Variants in CDCA2 observed in about 807,000 individuals in gnomAD.
The protein encoded by CDCA2 is cell division cycle associated 2, also known as cell division cycle-associated protein 2.
A neutral mutation model predicts 67.0 loss-of-function variants in CDCA2; 44 were observed. The observed-to-expected ratio is 0.66, with a 90% confidence interval of 0.52 to 0.84. The LOEUF is 0.84. Ranked by LOEUF, CDCA2 falls within the 40% of genes least tolerant of loss-of-function variation. The pLI, the probability that CDCA2 is intolerant of heterozygous loss-of-function variation, is 0.00. For missense variants in CDCA2, 1,253 were observed against 1,203.2 expected (o/e 1.04, Z -0.61); for synonymous variants, 447 against 418.7 (o/e 1.07, Z -0.82).
At chr8:25,470,714 A>G (rs965846232) in intron 7 of CDCA2, among the ~76,000 whole-genome samples, 8 of 151,856 alleles carry the variant, frequency 5.3e-5, no homozygotes, top group Admixed American at 3.3e-4. Context: ...CTTCATTATA[A>G]GCCTCACAAG....
rs1367720789 is a variant in CDCA2, at chr8:25,503,490, C to T, written c.1789C>T (p.Pro597Ser). Reference sequence around the variant, plus strand: ...CCTCCTCAGTCCTATTCCCGAGCTGCCTGAAGTCCCTGAGATGACACCTTC... The same window carrying T: ...CCTCCTCAGTCCTATTCCCGAGCTGTCTGAAGTCCCTGAGATGACACCTTC... Reference protein sequence around the residue: ...KPLLSPIPELPEVPEMTPSIP... With the variant: ...KPLLSPIPELSEVPEMTPSIP... Residue 597 changes from proline (P) to serine (S), a missense_variant, in exon 14 of 15, where the codon CCT becomes TCT. Transcript: ENST00000330560. 8 of 1,613,830 alleles carry T rather than the reference C, an allele frequency of 5.0e-6. No individual in the cohort carries two copies. The highest frequency in any genetic ancestry group is 5.9e-6 in the Non-Finnish European group (7 of 1,179,960).
intron 13 of CDCA2, among the ~76,000 whole-genome samples, chr8:25,489,693 A>T (rs1803927368): frequency 6.6e-6 from 1 of 152,160 alleles, no homozygotes; most frequent in Non-Finnish European, 1.5e-5. Flanking sequence ...TTAGCATTTG[A>T]CATGATGGAA....
At chr8:25,505,340 T>C (rs755597054) in intron 14 of CDCA2, among the ~76,000 whole-genome samples, 6 of 152,188 alleles carry the variant, frequency 3.9e-5, no homozygotes, top group Non-Finnish European at 8.8e-5. Context: ...TAGCTGGGAC[T>C]ACAAGCACGC....
chr8:25,465,108 G>C (rs983492078), intron 4 of CDCA2, among the ~76,000 whole-genome samples: 1 of 152,034 alleles, frequency 6.6e-6, no homozygotes, highest in African/African-American at 2.4e-5. Flanking sequence ...CACATAGCTG[G>C]GATTACAGGC....
chr8:25,493,873 C>A (rs1046845642), intron 13 of CDCA2, among the ~76,000 whole-genome samples: 5 of 152,158 alleles, frequency 3.3e-5, no homozygotes, highest in Non-Finnish European at 5.9e-5. Context: ...ACTCATTTGT[C>A]CTTTGACCCA....
chr8:25,480,144 T>G lies in CDCA2; in HGVS notation c.1032+20T>G. 1 of 1,590,684 alleles carries G rather than the reference T, an allele frequency of 6.3e-7. No homozygotes were observed. Among genetic ancestry groups the G allele is most frequent in the African/African-American group, 1.3e-5 (1 of 74,400 alleles). On this transcript the variant is annotated intron_variant, in intron 8 of 14. Transcript: ENST00000330560. ...TTACAGGTAAGAAGAGAGTTAAATT[T>G]CCTAAAGCAAATGAATAAAAATGCA...
chr8:25,467,508 A>C (rs1802962612), intron 5 of CDCA2, among the ~76,000 whole-genome samples: 1 of 152,186 alleles, frequency 6.6e-6, no homozygotes, highest in South Asian at 2.1e-4. Flanking sequence ...TTAGCTAGAA[A>C]AAAACAGGTA....
chr8:25,462,280 T>C, intron 4 of CDCA2, 72 bp downstream of exon 4: 3 of 1,464,732 alleles, frequency 2.0e-6, no homozygotes, highest in Non-Finnish European at 2.9e-6. Context: ...CACCTTCTAG[T>C]GCATCTGCTC....
At chr8:25,461,056 T>C (rs1460751873) in intron 3 of CDCA2, among the ~76,000 whole-genome samples, 1 of 150,786 alleles carries the variant, frequency 6.6e-6, no homozygotes, top group South Asian at 2.1e-4. Flanking sequence ...TCACCGGAGG[T>C]CAGGAGTTCG....
At chr8:25,474,870 C>A (rs542714021) in intron 7 of CDCA2, among the ~76,000 whole-genome samples, 1 of 151,804 alleles carries the variant, frequency 6.6e-6, no homozygotes, top group Non-Finnish European at 1.5e-5. Context: ...TGTGTGGATT[C>A]GGGCTTGCCT....
rs746714079 is a variant in CDCA2 at position 25,507,293 on chromosome 8, C to T, written c.2627C>T (p.Ala876Val). 2 of 1,614,004 alleles carry T rather than the reference C, an allele frequency of 1.2e-6. No homozygotes were observed. The highest frequency in any genetic ancestry group is 2.7e-5 in the African/African-American group (2 of 74,928). The change falls in exon 15 of 15, where the codon GCC (alanine) becomes GTC (valine). Residue 876 changes from alanine to valine, a missense_variant. By Grantham distance (64) the Ala-to-Val change is moderately conservative (BLOSUM62 0). Transcript: ENST00000330560. Reference protein sequence around the residue: ...NSELFKDLSDAIEQTFQRRNS... With the variant: ...NSELFKDLSDVIEQTFQRRNS... ...GAACTGTTTAAAGATTTGTCTGATGCCATTGAGCAAACCTTTCAGAGGAGA... is the reference window on the plus strand; with the variant it reads ...GAACTGTTTAAAGATTTGTCTGATGTCATTGAGCAAACCTTTCAGAGGAGA...
In CDCA2 at chr8:25,460,270, G is replaced by A; in HGVS notation, c.31G>A (p.Glu11Lys). The A allele has an allele frequency of 1.9e-6, 3 of 1,614,120 alleles. No individual in the cohort carries two copies. Among genetic ancestry groups the A allele is most frequent in the Non-Finnish European group, 2.5e-6 (3 of 1,180,018 alleles). Residue 11 changes from glutamate to lysine, a missense_variant, in exon 2 of 15, where the codon GAA becomes AAA. By Grantham distance (56) the Glu-to-Lys change is moderately conservative. Transcript: ENST00000330560. Reference protein sequence around the residue: MDANSKDKPPETKESAMNNAG... With the variant: MDANSKDKPPKTKESAMNNAG... ...TGCCAATTCAAAAGACAAGCCCCCT[G>A]AAACCAAGGAGTCTGCAATGAATAA...
chr8:25,477,038 TTACTC>T (rs1257897100), intron 7 of CDCA2, among the ~76,000 whole-genome samples: 2 of 152,150 alleles, frequency 1.3e-5, no homozygotes, highest in Non-Finnish European at 2.9e-5. Context: ...CACCATTTCT[TTACTC>T]TACTTTAGGC....
chr8:25,464,740 A>T (rs1313147543), intron 4 of CDCA2, among the ~76,000 whole-genome samples: 1 of 152,230 alleles, frequency 6.6e-6, no homozygotes, highest in African/African-American at 2.4e-5. Context: ...AATTGTATGA[A>T]TTTGAGATCA....
chr8:25,480,558 C>G (rs1403457862), intron 8 of CDCA2, among the ~76,000 whole-genome samples: 1 of 152,070 alleles, frequency 6.6e-6, no homozygotes. Flanking sequence ...TTTCTCGAAG[C>G]TCAGTCAATA....
intron 13 of CDCA2, among the ~76,000 whole-genome samples, chr8:25,494,873 C>T (rs559499701): frequency 4.6e-5 from 7 of 151,760 alleles, no homozygotes; most frequent in Non-Finnish European, 5.9e-5. Context: ...ACACCAGGGA[C>T]GAGTGTGCAT....
chr8:25,486,648 C>CA (rs34058825), intron 11 of CDCA2, among the ~76,000 whole-genome samples: 40 of 137,486 alleles, frequency 2.9e-4, no homozygotes, highest in Non-Finnish European at 4.6e-4. Context: ...ACTGAAAATA[C>CA]AAAAAAAAAA....
chr8:25,470,644 A>G (rs559066537), intron 7 of CDCA2, among the ~76,000 whole-genome samples: 1 of 152,168 alleles, frequency 6.6e-6, no homozygotes, highest in African/African-American at 2.4e-5. Flanking sequence ...CAAACTCTAC[A>G]GATCAATTTC....
chr8:25,488,533 C>A lies in CDCA2; in HGVS notation c.1534-19C>A. The A allele has an allele frequency of 6.3e-7, 1 of 1,589,372 alleles. No individual in the cohort carries two copies. The highest frequency in any genetic ancestry group is 8.5e-7 in the Non-Finnish European group (1 of 1,170,434). On this transcript the variant is annotated intron_variant, in intron 12 of 14. Transcript: ENST00000330560. ...ATTGCTTGTGCTTTACGGTATCCTACTTTACACTTTCTTTATAGCAATTGG... is the reference window on the plus strand; with the variant it reads ...ATTGCTTGTGCTTTACGGTATCCTAATTTACACTTTCTTTATAGCAATTGG...
Sources: allele counts gnomAD v4.1 joint callset (sites outside exome capture counted in the v4.1 genomes callset), GRCh38; gene constraint gnomAD v4.1.1; transcripts MANE v1.5; gene names NCBI Gene and HGNC (gene_info 2026-07-23, HGNC 2026-07-21).